The following GBE1 variants were observed in gnomAD, a reference collection of about 807,000 sequenced individuals.
GBE1 encodes the protein 1,4-alpha-glucan-branching enzyme.
In GBE1, 70 loss-of-function variants were observed where a neutral mutation model predicts 88.8. The ratio of observed to expected loss-of-function variants is 0.79; its 90% CI spans 0.65 to 0.96. The LOEUF is 0.96. Ranked by LOEUF, GBE1 falls within the 40% of genes least tolerant of loss-of-function variation. The pLI is 0.00. For synonymous variants in GBE1, 284 were observed against 300.1 expected (o/e 0.95, Z 0.56); for missense variants, 872 against 871.0 (o/e 1.00, Z -0.01).
intron 3 of GBE1, among the ~76,000 whole-genome samples, chr3:81,657,267 C>T (rs1027224998): frequency 4.0e-5 from 6 of 151,580 alleles, no homozygotes; most frequent in Non-Finnish European, 8.8e-5. Flanking sequence ...GTAAATGAAG[C>T]CTCTAAATTT....
chr3:81,544,767 G>A (rs1450962548), intron 12 of GBE1, among the ~76,000 whole-genome samples: 1 of 151,922 alleles, frequency 6.6e-6, no homozygotes, highest in Non-Finnish European at 1.5e-5. Context: ...TAATTTTTTT[G>A]CTGTTTGATG....
intron 7 of GBE1, among the ~76,000 whole-genome samples, chr3:81,637,355 A>G (rs1291971429): frequency 6.6e-6 from 1 of 152,172 alleles, no homozygotes; most frequent in Non-Finnish European, 1.5e-5. Context: ...TTTTCAAGCT[A>G]AAGTACTATG....
intron 11 of GBE1, 138 bp from the exon 12 acceptor site, chr3:81,578,234 T>A (rs1703675630): frequency 3.2e-6 from 2 of 628,372 alleles, no homozygotes; most frequent in South Asian, 5.3e-5. Context: ...ATTTCAGGTA[T>A]TTTCCACTGG....
chr3:81,618,488 T>A (rs949924933), intron 7 of GBE1, among the ~76,000 whole-genome samples: 13 of 152,104 alleles, frequency 8.5e-5, no homozygotes, highest in African/African-American at 3.1e-4. Context: ...ACTCCATGAT[T>A]CTACATGATC....
intron 14 of GBE1, among the ~76,000 whole-genome samples, chr3:81,531,556 G>A (rs1041115294): frequency 3.9e-5 from 6 of 151,936 alleles, no homozygotes; most frequent in Non-Finnish European, 8.8e-5. Context: ...AATCCTGCCA[G>A]GACTGAGTTC....
intron 7 of GBE1, among the ~76,000 whole-genome samples, chr3:81,627,759 A>G (rs1289096769): frequency 7.8e-6 from 1 of 128,300 alleles, no homozygotes; most frequent in Non-Finnish European, 1.7e-5. Context: ...ATATATATAT[A>G]TATATATAAA....
At chr3:81,687,570 A>G (rs1705459069) in intron 2 of GBE1, among the ~76,000 whole-genome samples, 1 of 152,354 alleles carries the variant, frequency 6.6e-6, no homozygotes, top group Middle Eastern at 3.4e-3. Context: ...AAACTGAAAT[A>G]GCTACCATGG....
chr3:81,685,398 G>C (rs565866668), intron 2 of GBE1, among the ~76,000 whole-genome samples: 7 of 151,896 alleles, frequency 4.6e-5, no homozygotes, highest in Admixed American at 1.3e-4. Context: ...TTTTGTTGTT[G>C]TCTTCTGTTT....
chr3:81,536,411 G>A (rs1368455101), intron 13 of GBE1, among the ~76,000 whole-genome samples: 6 of 151,618 alleles, frequency 4.0e-5, no homozygotes, highest in Non-Finnish European at 8.8e-5. Flanking sequence ...AATTCCAGAG[G>A]ACAGACAGGC....
At chr3:81,537,477 G>A (rs568383187) in intron 12 of GBE1, among the ~76,000 whole-genome samples, 2 of 152,044 alleles carry the variant, frequency 1.3e-5, no homozygotes, top group Admixed American at 1.3e-4. Flanking sequence ...TACAATTCTT[G>A]ACAATTTCCA....
intron 2 of GBE1, among the ~76,000 whole-genome samples, chr3:81,690,204 A>C (rs1705500093): frequency 6.6e-6 from 1 of 152,208 alleles, no homozygotes; most frequent in Non-Finnish European, 1.5e-5. Flanking sequence ...CCAGAAATGA[A>C]GTGGACTTAA....
At chr3:81,558,882 G>A (rs756200777) in intron 12 of GBE1, among the ~76,000 whole-genome samples, 3 of 152,042 alleles carry the variant, frequency 2.0e-5, no homozygotes, top group Non-Finnish European at 4.4e-5. Flanking sequence ...CTGTAGGAAA[G>A]AAATCAGAAT....
intron 1 of GBE1, among the ~76,000 whole-genome samples, chr3:81,727,387 G>A (rs1183130264): frequency 2.6e-5 from 4 of 152,160 alleles, no homozygotes; most frequent in Non-Finnish European, 5.9e-5. Context: ...TCCTACAGAT[G>A]AGAATTTGAC....
At chr3:81,702,006 C>A (rs981449045) in intron 2 of GBE1, among the ~76,000 whole-genome samples, 20 of 148,798 alleles carry the variant, frequency 1.3e-4, no homozygotes, top group African/African-American at 4.7e-4. Flanking sequence ...GAAAAAAAAT[C>A]TTTCTTTTTG....
At chr3:81,586,774 T>A (rs932662850) in intron 9 of GBE1, among the ~76,000 whole-genome samples, 7 of 144,226 alleles carry the variant, frequency 4.9e-5, no homozygotes, top group Non-Finnish European at 1.0e-4. Context: ...GGTGAAGGGA[T>A]CTCTCAAGAT....
intron 7 of GBE1, among the ~76,000 whole-genome samples, chr3:81,630,347 G>A (rs992570697): frequency 3.3e-5 from 5 of 152,000 alleles, no homozygotes; most frequent in African/African-American, 1.2e-4. Context: ...TCCCCATCAA[G>A]CTACCAATGA....
intron 15 of GBE1, among the ~76,000 whole-genome samples, chr3:81,495,311 C>T (rs1395427888): frequency 6.6e-6 from 1 of 152,120 alleles, no homozygotes; most frequent in Non-Finnish European, 1.5e-5. Flanking sequence ...ACTGCTTGAA[C>T]CTGGGAGGCA....
intron 6 of GBE1, among the ~76,000 whole-genome samples, chr3:81,644,090 C>T (rs1174387918): frequency 6.6e-6 from 1 of 151,952 alleles, no homozygotes; most frequent in Non-Finnish European, 1.5e-5. Context: ...TCATTCATTC[C>T]TTTATTTGTT....
chr3:81,737,042 G>A (rs1706265316), intron 1 of GBE1, among the ~76,000 whole-genome samples: 1 of 151,730 alleles, frequency 6.6e-6, no homozygotes, highest in African/African-American at 2.4e-5. Context: ...CAGTAAAGAT[G>A]TACAGAATAG....
Sources: gnomAD v4.1 joint callset for allele counts (sites outside exome capture counted in the v4.1 genomes callset) on GRCh38, gnomAD v4.1.1 for gene constraint, MANE v1.5 for transcripts, NCBI Gene and HGNC (gene_info 2026-07-23, HGNC 2026-07-21) for gene names.